The following SYNE2 variants were observed in gnomAD, a reference collection of about 807,000 sequenced individuals.
SYNE2 encodes the protein spectrin repeat containing nuclear envelope protein 2.
Under a neutral mutation model 856.3 loss-of-function variants are expected in SYNE2, and 431 were observed. That is an observed-to-expected ratio of 0.50 (90% CI 0.47 to 0.55). The LOEUF (loss-of-function observed/expected upper bound fraction) is 0.55. Ranked by LOEUF, SYNE2 falls within the 20% of genes least tolerant of loss-of-function variation. The pLI is 0.00. For missense variants in SYNE2, 8,129 were observed against 8,023.2 expected (o/e 1.01, Z -0.50); for synonymous variants, 2,923 against 2,872.3 (o/e 1.02, Z -0.56).
rs1297498629 is a variant in SYNE2 at position 64,024,379 on chromosome 14, G to A, written c.5760G>A (p.Gln1920=). Residue 1920 remains glutamine (Q), a synonymous_variant, in exon 39 of 116, where the codon CAG becomes CAA. Coordinates refer to ENST00000555002, the MANE Select transcript of SYNE2 (RefSeq NM_182914.3). The part of the protein sequence containing the change: ...VKELISWLVG[Q]EFELEKMESI... ...AGCTTATCAGTTGGCTCGTGGGTCA[G>A]GAATTCGAATTAGAAAAAATGGAGT... 1 of 1,614,150 alleles carries A rather than the reference G, an allele frequency of 6.2e-7. No individual in the cohort carries two copies. Among genetic ancestry groups the A allele is most frequent in the African/African-American group, 1.3e-5 (1 of 75,040 alleles).
rs578206329 is a variant in SYNE2, at chr14:64,220,557, C to A, written c.19981C>A (p.Leu6661Met). ...STELQSRLRQ[L>M]SLLWEAAQGA... ...AGAGCTCCAAAGTAGACTCCGCCAG[C>A]TGAGCCTGCTCTGGGAAGCAGCACA... is the stretch of plus-strand genomic sequence containing the variant. The change falls in exon 111 of 116, where the codon CTG becomes ATG. Residue 6661 changes from leucine (L) to methionine (M), a missense_variant. Transcript: ENST00000555002. 6.2e-7 allele frequency: 1 copy of A among 1,614,170 alleles called. No individual in the cohort carries two copies. The highest frequency in any genetic ancestry group is 2.2e-5 in the East Asian group (1 of 44,894).
intron 31 of SYNE2, among the ~76,000 whole-genome samples, chr14:64,009,267 C>T (rs993454496): frequency 4.6e-5 from 7 of 152,014 alleles, no homozygotes; most frequent in Non-Finnish European, 7.4e-5. Flanking sequence ...CACAGTGGCT[C>T]ACACCTATAT....
chr14:64,059,696 A>C (rs2097301242), intron 49 of SYNE2, among the ~76,000 whole-genome samples: 1 of 152,256 alleles, frequency 6.6e-6, no homozygotes, highest in Admixed American at 6.5e-5. Flanking sequence ...ACGTTTGCTC[A>C]AGGCCCTTGG....
chr14:63,862,981 A>G (rs1291916069), intron 1 of SYNE2, among the ~76,000 whole-genome samples: 3 of 151,984 alleles, frequency 2.0e-5, no homozygotes, highest in Non-Finnish European at 2.9e-5. Flanking sequence ...TATTTTTAGT[A>G]GAGGTGGAAT....
intron 48 of SYNE2, among the ~76,000 whole-genome samples, chr14:64,054,260 T>G (rs1490998970): frequency 6.6e-6 from 1 of 152,046 alleles, no homozygotes; most frequent in Non-Finnish European, 1.5e-5. Context: ...AAAATTTGTT[T>G]TCTGTTTTGT....
At chr14:64,136,976 C>T (rs1330605666) in intron 78 of SYNE2, among the ~76,000 whole-genome samples, 1 of 152,150 alleles carries the variant, frequency 6.6e-6, no homozygotes, top group South Asian at 2.1e-4. Flanking sequence ...CAGTTACAGC[C>T]GCCCTTTGCC....
At position 63,991,160 on chromosome 14, in the gene SYNE2, T is replaced by G. The variant is rs1023011477; in HGVS notation, c.2646+45T>G. The G allele has an allele frequency of 1.9e-6, 3 of 1,572,872 alleles. No individual in the cohort carries two copies. In the African/African-American group the frequency reaches 4.0e-5, roughly 21 times the overall value. ...TCAAATGTAGGACATTATTGTTAAC[T>G]GCCTATCTTGTTTGAAATCAAGATG... On this transcript the variant is annotated intron_variant, in intron 21 of 115. Coordinates refer to ENST00000555002, the MANE Select transcript of SYNE2 (RefSeq NM_182914.3).
At chr14:64,126,981 G>C (rs763122555) in intron 73 of SYNE2, among the ~76,000 whole-genome samples, 174 bp downstream of exon 73, 21 of 152,202 alleles carry the variant, frequency 1.4e-4, no homozygotes, top group African/African-American at 2.7e-4. Context: ...AGCCCTGGCC[G>C]AGTGCAGTGG....
At chr14:63,891,865 G>C (rs2095140233) in intron 1 of SYNE2, among the ~76,000 whole-genome samples, 1 of 152,146 alleles carries the variant, frequency 6.6e-6, no homozygotes. Context: ...GTCGGTTATA[G>C]TAGTGTGGGC....
At chr14:63,922,193 C>T (rs930092543) in intron 2 of SYNE2, among the ~76,000 whole-genome samples, 4 of 152,054 alleles carry the variant, frequency 2.6e-5, no homozygotes, top group African/African-American at 9.7e-5. Context: ...TTTTTAGAGA[C>T]AGGGTCTCAC....
chr14:63,830,320 A>T (rs2139893184), intron 1 of SYNE2, among the ~76,000 whole-genome samples: 1 of 151,664 alleles, frequency 6.6e-6, no homozygotes, highest in East Asian at 1.9e-4. Flanking sequence ...ATTAATGGAT[A>T]CATCATTGTG....
At position 64,132,380 on chromosome 14, in the gene SYNE2, T is replaced by G. The variant is rs1484995537; in HGVS notation, c.14456T>G (p.Val4819Gly). The change falls in exon 77 of 116, where the codon GTT (valine) becomes GGT (glycine). Residue 4819 changes from valine (V) to glycine (G), a missense_variant. By Grantham distance (109) the Val-to-Gly change is moderately radical. Around this residue, in one of 3 missense-constraint regions of SYNE2, gnomAD observed 5,410 missense variants for 5,284.8 expected, o/e 1.02. Transcript: ENST00000555002. ...ETFWAEQVTE[V>G]KILEEKSRQC... ...TTTTGGGCAGAACAAGTAACAGAAGTTAAAATACTAGAAGAAAAGTCACGC... is the reference window on the plus strand; with the variant it reads ...TTTTGGGCAGAACAAGTAACAGAAGGTAAAATACTAGAAGAAAAGTCACGC... 2 of 1,614,052 alleles carry G rather than the reference T, an allele frequency of 1.2e-6. No homozygotes were observed. The highest frequency in any genetic ancestry group is 2.2e-5 in the East Asian group (1 of 44,902).
intron 1 of SYNE2, among the ~76,000 whole-genome samples, chr14:63,770,342 C>T (rs1216600141): frequency 3.3e-5 from 5 of 152,182 alleles, no homozygotes; most frequent in African/African-American, 1.2e-4. Flanking sequence ...CCTGTGTGGA[C>T]TTGAATGCTA....
intron 1 of SYNE2, among the ~76,000 whole-genome samples, chr14:63,785,532 C>T (rs968671432): frequency 6.6e-6 from 1 of 152,028 alleles, no homozygotes; most frequent in African/African-American, 2.4e-5. Flanking sequence ...GGATTAACTC[C>T]CAGTTACAAT....
At chr14:64,039,007 G>C (rs891512619) in intron 45 of SYNE2, among the ~76,000 whole-genome samples, 3 of 152,168 alleles carry the variant, frequency 2.0e-5, no homozygotes, top group African/African-American at 7.2e-5. Flanking sequence ...GGCCTGAGAG[G>C]TAGGTGTGGC....
intron 34 of SYNE2, among the ~76,000 whole-genome samples, chr14:64,018,485 G>A (rs2096911884): frequency 2.0e-5 from 3 of 152,058 alleles, no homozygotes; most frequent in South Asian, 2.1e-4. Flanking sequence ...CTCGTGATCC[G>A]CCCACCTCGG....
intron 111 of SYNE2, 193 bp from the exon 112 acceptor site, chr14:64,221,383 C>T: frequency 3.0e-6 from 3 of 1,004,432 alleles, no homozygotes; most frequent in Non-Finnish European, 4.5e-6. Context: ...TGGCACTGTG[C>T]TGAGTGTCTT....
In SYNE2 at chr14:64,140,030, C is replaced by T; in HGVS notation, c.14933C>T (p.Ser4978Phe). Reference sequence around the variant, plus strand: ...TGGAAAGAACAGTCCCTCAATGTGTCTCAGGACTTGGATACAATCAGAAGC... The same window carrying T: ...TGGAAAGAACAGTCCCTCAATGTGTTTCAGGACTTGGATACAATCAGAAGC... ...NYWKEQSLNVSQDLDTIRSNI... is the reference protein window; with the variant it reads ...NYWKEQSLNVFQDLDTIRSNI... Residue 4978 changes from serine (S) to phenylalanine (F), a missense_variant, in exon 80 of 116, where the codon TCT becomes TTT. Physicochemically the swap from Ser to Phe is radical, Grantham distance 155 (BLOSUM62 -2). Coordinates refer to ENST00000555002, the MANE Select transcript of SYNE2 (RefSeq NM_182914.3). The T allele has an allele frequency of 6.2e-7, 1 of 1,613,928 alleles. No homozygotes were observed. The highest frequency in any genetic ancestry group is 8.5e-7 in the Non-Finnish European group (1 of 1,179,934).
intron 56 of SYNE2, 43 bp from the exon 57 acceptor site, chr14:64,081,400 T>G: frequency 1.2e-6 from 2 of 1,613,682 alleles, no homozygotes; most frequent in Non-Finnish European, 1.7e-6. Context: ...TCAGCTCCAG[T>G]AAAAGGCATC....
Sources: gnomAD v4.1 joint callset for allele counts (sites outside exome capture counted in the v4.1 genomes callset) on GRCh38, gnomAD v4.1.1 for gene constraint, gnomAD v4.1.1 regional missense constraint, MANE v1.5 for transcripts, NCBI Gene and HGNC (gene_info 2026-07-23, HGNC 2026-07-21) for gene names.